RHOBTB2: variants seen among roughly 807,000 people sequenced by gnomAD.
RHOBTB2 encodes the protein rho-related BTB domain-containing protein 2.
In RHOBTB2, 39 loss-of-function variants were observed where a neutral mutation model predicts 66.5. The ratio of observed to expected loss-of-function variants is 0.59; its 90% CI spans 0.45 to 0.77. The LOEUF (loss-of-function observed/expected upper bound fraction) is 0.77. Ranked by LOEUF, RHOBTB2 falls within the 30% of genes least tolerant of loss-of-function variation. The pLI, the probability that RHOBTB2 is intolerant of heterozygous loss-of-function variation, is 0.00. For missense variants in RHOBTB2, 755 were observed against 999.1 expected (o/e 0.76, Z 3.29); for synonymous variants, 390 against 395.0 (o/e 0.99, Z 0.15).
rs1810708337 is a variant in RHOBTB2 at position 22,999,777 on chromosome 8, G to C, written c.-339G>C. On this transcript the variant is annotated 5_prime_UTR_variant, in exon 1 of 10. Coordinates refer to ENST00000251822, the MANE Select transcript of RHOBTB2 (RefSeq NM_015178.3). ...CGCCCCTCTCCCGGCGCCCCTGCGC[G>C]CCGCCCGCTGCCTCCGCAGCCCGGC... 1.0e-6 allele frequency: 1 copy of C among 985,298 alleles called. No homozygotes were observed. Among genetic ancestry groups the C allele is most frequent in the Admixed American group, 6.2e-5 (1 of 16,024 alleles). The allele number at this position is 985,298 out of a possible 1,614,324, so 61.0% of individuals were successfully genotyped here. A position where few individuals can be genotyped will look rare whatever the true frequency, so the allele number is the denominator to read the frequency against.
At position 23,006,331 on chromosome 8, in the gene RHOBTB2, G is replaced by A. The variant is rs74496003; in HGVS notation, c.482+186G>A. 2,151 of 592,332 alleles carry A rather than the reference G, an allele frequency of 3.6e-3. 30 individuals carry two copies. Among genetic ancestry groups the A allele is most frequent in the African/African-American group, 0.036 (1,956 of 53,966 alleles). 36.7% of individuals were successfully genotyped at this position (592,332 alleles called of 1,614,324 possible). ...TATACCTGTTGCACACCTCTGGTGT[G>A]GGCAGTGCTATGTAAAGCATCATGA... On this transcript the variant is annotated intron_variant, in intron 4 of 9. Coordinates refer to ENST00000251822, the MANE Select transcript of RHOBTB2 (RefSeq NM_015178.3). The surrounding 1 kb of genome is among the most constrained non-coding windows in gnomAD (Gnocchi z 6.1).
chr8:22,997,104 G>A (rs1045013963), upstream of RHOBTB2, among the ~76,000 whole-genome samples: 3 of 152,244 alleles, frequency 2.0e-5, 1 homozygote, highest in South Asian at 4.1e-4. Flanking sequence ...GTAGTGAACC[G>A]CTGGAGCTCC....
At position 23,006,966 on chromosome 8, in the gene RHOBTB2, C is replaced by A; in HGVS notation, c.721C>A (p.Pro241Thr). The A allele has an allele frequency of 1.2e-6, 2 of 1,611,630 alleles. No homozygotes were observed. Among genetic ancestry groups the A allele is most frequent in the Non-Finnish European group, 1.7e-6 (2 of 1,179,988 alleles). The stretch of plus-strand genomic sequence containing the variant: ...CTTCCTACCCCCCAAGCCACCGCCC[C>A]CGATCATCGTGGTGCCCGACCCTCC... ...APFLPPKPPP[P>T]IIVVPDPPSS... The change falls in exon 5 of 10, where the codon CCG becomes ACG. Residue 241 changes from proline to threonine, a missense_variant. Coordinates refer to ENST00000251822, the MANE Select transcript of RHOBTB2 (RefSeq NM_015178.3). The surrounding 1 kb of genome is among the most constrained non-coding windows in gnomAD (Gnocchi z 6.1).
At chr8:22,990,870 C>T (rs1810408157) in intron 1 of RHOBTB2, among the ~76,000 whole-genome samples, 1 of 152,148 alleles carries the variant, frequency 6.6e-6, no homozygotes, top group Admixed American at 6.5e-5. Context: ...CTTGCCTCTC[C>T]AGTCCCTGCA....
In RHOBTB2 at chr8:23,010,696, A is replaced by C; in HGVS notation, c.1771+8A>C. On this transcript the variant is annotated splice_region_variant and intron_variant, in intron 7 of 9. Transcript: ENST00000251822. Reference sequence around the variant, plus strand: ...ACCTGGTTGCCCTCACAGGTAACTAAGCAGTGCACTCGGGGACCTCCCCGC... The same window carrying C: ...ACCTGGTTGCCCTCACAGGTAACTACGCAGTGCACTCGGGGACCTCCCCGC... The C allele has an allele frequency of 6.2e-7, 1 of 1,613,968 alleles. No individual in the cohort carries two copies. The highest frequency in any genetic ancestry group is 2.2e-5 in the East Asian group (1 of 44,876).
chr8:22,998,140 G>A (rs760645262), upstream of RHOBTB2, among the ~76,000 whole-genome samples: 1 of 152,184 alleles, frequency 6.6e-6, no homozygotes, highest in South Asian at 2.1e-4. Context: ...AGGTAGGCAC[G>A]TTGATCACAA....
intron 6 of RHOBTB2, among the ~76,000 whole-genome samples, chr8:23,008,553 A>G (rs1811042307): frequency 6.6e-6 from 1 of 152,056 alleles, no homozygotes; most frequent in Admixed American, 6.6e-5. Flanking sequence ...GTTTTAAAAG[A>G]TAGGTTTTAT....
chr8:23,015,594 C>A lies in RHOBTB2; in HGVS notation c.1861-44C>A, dbSNP rs112223910. The A allele has an allele frequency of 6.1e-3, 8,631 of 1,406,662 alleles. 377 individuals are homozygous for A. The African/African-American group carries it at 0.1, about 17-fold the overall frequency. The allele number at this position is 1,406,662 out of a possible 1,614,324, so 87.1% of individuals were successfully genotyped here. A position where few individuals can be genotyped will look rare whatever the true frequency, so the allele number is the denominator to read the frequency against. Reference sequence around the variant, plus strand: ...CTGGAGGTGTCTATGCAGACCCTCTCCCCTGGGGATTTCAGTACAGACGTT... The same window carrying A: ...CTGGAGGTGTCTATGCAGACCCTCTACCCTGGGGATTTCAGTACAGACGTT... On this transcript the variant is annotated intron_variant, in intron 8 of 9. Transcript: ENST00000251822.
chr8:22,959,850 A>G, the RHOBTB2 span, among the ~76,000 whole-genome samples: 3 of 151,948 alleles, frequency 2.0e-5, no homozygotes, highest in East Asian at 5.8e-4. Context: ...AGATTTGGAC[A>G]TATTCTAGAG....
chr8:22,969,426 T>G, the RHOBTB2 span, among the ~76,000 whole-genome samples: 1 of 152,150 alleles, frequency 6.6e-6, no homozygotes, highest in African/African-American at 2.4e-5. Flanking sequence ...AAGAAAGCCA[T>G]TATAAACCAA....
At position 23,004,582 on chromosome 8, in the gene RHOBTB2, G is replaced by A; in HGVS notation, c.148G>A (p.Val50Met). Residue 50 changes from valine (V) to methionine (M), a missense_variant, in exon 2 of 10, where the codon GTG becomes ATG. Coordinates refer to ENST00000251822, the MANE Select transcript of RHOBTB2 (RefSeq NM_015178.3). The surrounding 1 kb of genome is among the most constrained non-coding windows in gnomAD (Gnocchi z 6.4). ...LTQYQLLATH[V>M]PTVWAIDQYR... ...CCAGTACCAGCTGCTGGCCACGCAT[G>A]TGCCCACAGTATGGGCCATCGACCA... 3 of 1,614,122 alleles carry A rather than the reference G, an allele frequency of 1.9e-6. No homozygotes were observed. Among genetic ancestry groups the A allele is most frequent in the Non-Finnish European group, 2.5e-6 (3 of 1,180,024 alleles).
At position 23,018,485 on chromosome 8, in the gene RHOBTB2, G is replaced by A. The variant is rs113643342; in HGVS notation, c.*1016G>A. The A allele has an allele frequency of 1.4e-4, 21 of 152,430 alleles. No individual in the cohort carries two copies. Among genetic ancestry groups the A allele is most frequent in the African/African-American group, 4.3e-4 (18 of 41,456 alleles). The allele number at this position is 152,430 out of a possible 1,614,324, so 9.4% of individuals were successfully genotyped here. On this transcript the variant is annotated 3_prime_UTR_variant, in exon 10 of 10. Coordinates refer to ENST00000251822, the MANE Select transcript of RHOBTB2 (RefSeq NM_015178.3). ...TTCTATAAACAGAGGCCCCCATGATGAGGAGGTGAAGATTTAGGTTGCAGA... is the reference window on the plus strand; with the variant it reads ...TTCTATAAACAGAGGCCCCCATGATAAGGAGGTGAAGATTTAGGTTGCAGA...
At position 23,010,582 on chromosome 8, in the gene RHOBTB2, G is replaced by A. The variant is rs1267361393; in HGVS notation, c.1665G>A (p.Leu555=). Residue 555 remains leucine, a synonymous_variant, in exon 7 of 10, where the codon CTG becomes CTA. Coordinates refer to ENST00000251822, the MANE Select transcript of RHOBTB2 (RefSeq NM_015178.3). ...GCAAGAGCTGCATGCGGGCCGTGCT[G>A]GAATACCTCTACACCGGCATGTTCA... ...YTSKSCMRAV[L]EYLYTGMFTS... 2 of 1,614,016 alleles carry A rather than the reference G, an allele frequency of 1.2e-6. No individual in the cohort carries two copies. The highest frequency in any genetic ancestry group is 1.7e-6 in the Non-Finnish European group (2 of 1,180,024).
Position 22,999,815 on chromosome 8 carries a change from C to T in RHOBTB2, c.-301C>T, listed in dbSNP as rs1461784213. On this transcript the variant is annotated 5_prime_UTR_variant, in exon 1 of 10. Coordinates refer to ENST00000251822, the MANE Select transcript of RHOBTB2 (RefSeq NM_015178.3). ...TCCGCAGCCCGGCTCCGCGCGCCGC[C>T]GTGACATTGGGCGCCTGGCGCGCGG... is the stretch of plus-strand genomic sequence containing the variant. 1.0e-6 allele frequency: 1 copy of T among 983,770 alleles called. No homozygotes were observed. Among genetic ancestry groups the T allele is most frequent in the Admixed American group, 6.2e-5 (1 of 16,094 alleles). The allele number at this position is 983,770 out of a possible 1,614,324, so 60.9% of individuals were successfully genotyped here.
In RHOBTB2 at chr8:23,007,009, G is replaced by T; in HGVS notation, c.764G>T (p.Cys255Phe). 6.2e-7 allele frequency: 1 copy of T among 1,608,834 alleles called. No homozygotes were observed. The change falls in exon 5 of 10, where the codon TGC (cysteine) becomes TTC (phenylalanine). Residue 255 changes from cysteine (C) to phenylalanine (F), a missense_variant. Cys to Phe is a radical substitution (Grantham distance 205). This residue lies in a region of RHOBTB2 where 247 missense variants were observed against 238.9 expected (regional missense o/e 1.03). Coordinates refer to ENST00000251822, the MANE Select transcript of RHOBTB2 (RefSeq NM_015178.3). ...VPDPPSSSEE[C>F]PAHLLEDPLC... ...GACCCTCCCTCCAGCAGCGAGGAGT[G>T]CCCCGCCCACCTCCTGGAGGACCCG...
the RHOBTB2 span, among the ~76,000 whole-genome samples, chr8:22,959,335 C>T: frequency 6.6e-6 from 1 of 152,206 alleles, no homozygotes; most frequent in Non-Finnish European, 1.5e-5. Context: ...CAACCTCTGC[C>T]TCCCAGGTTC....
intron 7 of RHOBTB2, 71 bp from the exon 8 acceptor site, chr8:23,014,619 G>A: frequency 7.3e-7 from 1 of 1,373,924 alleles, no homozygotes; most frequent in Non-Finnish European, 1.0e-6. Flanking sequence ...AGTGAGCTGG[G>A]GGATGTGGTG....
chr8:22,952,536 A>G, the RHOBTB2 span, among the ~76,000 whole-genome samples: 5 of 152,280 alleles, frequency 3.3e-5, no homozygotes, highest in East Asian at 1.9e-4. Context: ...TCCTTAGAAG[A>G]AGGAATTTAC....
chr8:23,001,445 C>T (rs899779774), intron 1 of RHOBTB2, among the ~76,000 whole-genome samples: 2 of 150,740 alleles, frequency 1.3e-5, no homozygotes, highest in African/African-American at 5.0e-5. Flanking sequence ...TTATATTACT[C>T]TTGGCACACT....
Sources: gnomAD v4.1 joint callset for allele counts (sites outside exome capture counted in the v4.1 genomes callset) on GRCh38, gnomAD v4.1.1 for gene constraint, gnomAD v4.1.1 regional missense constraint, Gnocchi (gnomAD v3.1) non-coding constraint, MANE v1.5 for transcripts, NCBI Gene and HGNC (gene_info 2026-07-23, HGNC 2026-07-21) for gene names.